LRRIQ1: variants seen among roughly 807,000 people sequenced by gnomAD.
LRRIQ1 encodes the protein leucine rich repeats and IQ motif containing 1.
A neutral mutation model predicts 211.9 loss-of-function variants in LRRIQ1; 210 were observed. The observed-to-expected ratio is 0.99, with a 90% CI of 0.89 to 1.11. The LOEUF (loss-of-function observed/expected upper bound fraction) is 1.11, where lower values mean the gene tolerates loss of function less well. Among genes scored for constraint, LRRIQ1 ranks in the 50% most tolerant of loss-of-function variants. The pLI, the probability that LRRIQ1 is intolerant of heterozygous loss-of-function variation, is 0.00. For synonymous variants in LRRIQ1, 699 were observed against 650.1 expected (o/e 1.08, Z -1.14); for missense variants, 2,136 against 1,939.5 (o/e 1.10, Z -1.90).
chr12:85,236,130 C>G (rs957642728), intron 26 of LRRIQ1, among the ~76,000 whole-genome samples: 1 of 151,906 alleles, frequency 6.6e-6, no homozygotes, highest in Non-Finnish European at 1.5e-5. Flanking sequence ...TCAGAAGGTT[C>G]AAAGATCCAA....
At chr12:85,193,489 C>T (rs1223982056) in intron 24 of LRRIQ1, among the ~76,000 whole-genome samples, 23 of 138,414 alleles carry the variant, frequency 1.7e-4, no homozygotes, top group African/African-American at 6.0e-4. Flanking sequence ...AGAAACCCTA[C>T]AAGCCAGAAG....
chr12:85,195,227 C>T (rs7307938), intron 24 of LRRIQ1, among the ~76,000 whole-genome samples: 2,723 of 151,698 alleles, frequency 0.018, 76 homozygotes, highest in African/African-American at 0.061. Context: ...GATTCACAGC[C>T]GAATTCTACC....
Position 85,142,685 on chromosome 12 carries a change from GT to G in LRRIQ1, c.4329+4722del, listed in dbSNP as rs201234346. On this transcript the variant is annotated intron_variant, in intron 19 of 26. Coordinates refer to ENST00000393217, the MANE Select transcript of LRRIQ1 (RefSeq NM_001079910.2). ...ATACTCTCTACTTCTGTGATATTAA[GT>G]TTTTTGGATTCCCTGTCTGAGTGAA... is the stretch of plus-strand genomic sequence containing the variant. Among the ~76,000 whole-genome samples, 6 of 151,538 alleles carry G rather than the reference GT, an allele frequency of 4.0e-5. No individual in the cohort carries two copies. The East Asian group carries it at 1.2e-3, about 30-fold the overall frequency.
intron 2 of LRRIQ1, among the ~76,000 whole-genome samples, chr12:85,039,058 C>T (rs998483169): frequency 1.3e-5 from 2 of 151,038 alleles, no homozygotes; most frequent in Admixed American, 1.3e-4. Flanking sequence ...TGCACTAAAC[C>T]TACCTATTAC....
At chr12:85,246,735 G>A (rs912663898), downstream of LRRIQ1, among the ~76,000 whole-genome samples, 1 of 151,394 alleles carries the variant, frequency 6.6e-6, no homozygotes, top group African/African-American at 2.4e-5. Context: ...ACTAATCTCT[G>A]AATGTGTTAA....
chr12:85,214,672 AAGTT>A (rs1231252361), intron 24 of LRRIQ1, among the ~76,000 whole-genome samples: 1 of 152,102 alleles, frequency 6.6e-6, no homozygotes, highest in African/African-American at 2.4e-5. Flanking sequence ...TCTTATTTTA[AAGTT>A]AGTTATCTAT....
chr12:85,051,195 C>T (rs548456809), intron 6 of LRRIQ1, among the ~76,000 whole-genome samples: 14 of 152,150 alleles, frequency 9.2e-5, no homozygotes, highest in African/African-American at 3.1e-4. Context: ...CTCTCTCTCT[C>T]GCTCCCTCTC....
intron 24 of LRRIQ1, among the ~76,000 whole-genome samples, chr12:85,216,129 G>A (rs924965975): frequency 3.3e-5 from 5 of 152,132 alleles, no homozygotes; most frequent in African/African-American, 9.6e-5. Context: ...CCATCAACTC[G>A]TCATCTACAT....
chr12:85,248,671 G>A (rs989886709), downstream of LRRIQ1, among the ~76,000 whole-genome samples: 2 of 151,674 alleles, frequency 1.3e-5, no homozygotes, highest in Non-Finnish European at 2.9e-5. Flanking sequence ...TGAATTTTCT[G>A]AATGTGACAG....
chr12:85,268,875 T>A (rs887303739), downstream of LRRIQ1, among the ~76,000 whole-genome samples: 1 of 151,956 alleles, frequency 6.6e-6, no homozygotes, highest in African/African-American at 2.4e-5. Context: ...TTGACCTAGA[T>A]CCAATAAACA....
chr12:85,056,049 A>G lies in LRRIQ1; in HGVS notation c.1256A>G (p.Lys419Arg). 6.3e-7 allele frequency: 1 copy of G among 1,596,350 alleles called. No homozygotes were observed. Among genetic ancestry groups the G allele is most frequent in the African/African-American group, 1.4e-5 (1 of 73,794 alleles). ...HLSLEDISNDKGDIAKNLVDE... is the reference protein window; with the variant it reads ...HLSLEDISNDRGDIAKNLVDE... Reference sequence around the variant, plus strand: ...AGTCTTGAAGATATTTCAAATGATAAGGGTGATATAGCCAAAAATCTAGTG... The same window carrying G: ...AGTCTTGAAGATATTTCAAATGATAGGGGTGATATAGCCAAAAATCTAGTG... Residue 419 changes from lysine to arginine, a missense_variant, in exon 8 of 27, where the codon AAG becomes AGG. Transcript: ENST00000393217.
At chr12:85,102,119 T>G (rs1442055154) in intron 13 of LRRIQ1, among the ~76,000 whole-genome samples, 4 of 151,634 alleles carry the variant, frequency 2.6e-5, no homozygotes, top group African/African-American at 4.8e-5. Flanking sequence ...ATTTTATTTT[T>G]ACTTGAATTA....
rs754172067 is a variant in LRRIQ1 at position 85,065,424 on chromosome 12, C to G, written c.2544+10C>G. 5 of 1,551,670 alleles carry G rather than the reference C, an allele frequency of 3.2e-6. No individual in the cohort carries two copies. Among genetic ancestry groups the G allele is most frequent in the Non-Finnish European group, 4.3e-6 (5 of 1,151,180 alleles). On this transcript the variant is annotated intron_variant, in intron 9 of 26. Coordinates refer to ENST00000393217, the MANE Select transcript of LRRIQ1 (RefSeq NM_001079910.2). ...GTACATTGATGCACAGGTATGCTCT[C>G]TGCCCTACTGTTATTTATTTTATAA...
At chr12:85,180,058 A>G (rs1454037452) in intron 24 of LRRIQ1, among the ~76,000 whole-genome samples, 3 of 151,986 alleles carry the variant, frequency 2.0e-5, no homozygotes, top group Admixed American at 1.3e-4. Context: ...GCCAATTGCT[A>G]TTACTCAAAG....
chr12:85,192,427 T>A (rs1892573222), intron 24 of LRRIQ1, among the ~76,000 whole-genome samples: 1 of 132,808 alleles, frequency 7.5e-6, no homozygotes, highest in African/African-American at 2.8e-5. Context: ...TACATTTATA[T>A]ATATTTATAT....
chr12:85,264,878 C>A (rs562874500), downstream of LRRIQ1, among the ~76,000 whole-genome samples: 6 of 152,184 alleles, frequency 3.9e-5, no homozygotes, highest in African/African-American at 1.4e-4. Context: ...TTAATTCTCA[C>A]CTTTCTGTAA....
At chr12:85,106,433 A>G in intron 14 of LRRIQ1, 89 bp from the exon 15 acceptor site, 1 of 901,062 alleles carries the variant, frequency 1.1e-6, no homozygotes, top group Non-Finnish European at 1.7e-6. Context: ...TTTCTTTAAT[A>G]GCAAACCAGT....
At chr12:85,147,173 G>A (rs1048303666) in intron 19 of LRRIQ1, among the ~76,000 whole-genome samples, 11 of 151,756 alleles carry the variant, frequency 7.2e-5, no homozygotes, top group African/African-American at 2.7e-4. Context: ...CATTTGTATG[G>A]CCAAAGCCAG....
chr12:85,062,574 C>CTT (rs141735313), intron 8 of LRRIQ1, among the ~76,000 whole-genome samples: 73 of 145,646 alleles, frequency 5.0e-4, no homozygotes, highest in African/African-American at 1.5e-3. Context: ...ATATGTACTA[C>CTT]TTTTTTTTTT....
Sources: gnomAD v4.1 joint callset for allele counts (sites outside exome capture counted in the v4.1 genomes callset) on GRCh38, gnomAD v4.1.1 for gene constraint, MANE v1.5 for transcripts, NCBI Gene and HGNC (gene_info 2026-07-23, HGNC 2026-07-21) for gene names.